KGD4: variants seen among roughly 807,000 people sequenced by gnomAD.
KGD4 encodes alpha-ketoglutarate dehydrogenase subunit 4.
chr5:69,217,823 G>T, the KGD4 span: 2 of 1,613,854 alleles, frequency 1.2e-6, no homozygotes, highest in African/African-American at 2.7e-5. Flanking sequence ...GCCCCTTCTC[G>T]GGGGTCATGA....
At chr5:69,218,420 G>A in the KGD4 span, among the ~76,000 whole-genome samples, 1 of 152,080 alleles carries the variant, frequency 6.6e-6, no homozygotes, top group African/African-American at 2.4e-5. Flanking sequence ...CCAGATGAGG[G>A]AAATAGAAAA....
chr5:69,228,191 T>A, the KGD4 span: 17 of 1,534,506 alleles, frequency 1.1e-5, no homozygotes, highest in African/African-American at 1.3e-4. Context: ...TTTTTTTTTT[T>A]AATTTCAGTA....
chr5:69,225,826 G>A, the KGD4 span, among the ~76,000 whole-genome samples: 116 of 152,206 alleles, frequency 7.6e-4, no homozygotes, highest in African/African-American at 2.5e-3. Flanking sequence ...TGATCCGTCC[G>A]CCTCGGCCTC....
At chr5:69,221,391 A>G in the KGD4 span, among the ~76,000 whole-genome samples, 2 of 152,236 alleles carry the variant, frequency 1.3e-5, no homozygotes, top group Non-Finnish European at 2.9e-5. Context: ...AAAGTAAAAC[A>G]TTTTCAGACT....
chr5:69,230,079 G>A, the KGD4 span: 1 of 151,672 alleles, frequency 6.6e-6, no homozygotes, highest in Non-Finnish European at 1.5e-5. Flanking sequence ...AACTTTAATG[G>A]GGCCCCTCCT....
chr5:69,228,772 T>C, the KGD4 span, among the ~76,000 whole-genome samples: 1 of 152,008 alleles, frequency 6.6e-6, no homozygotes, highest in Non-Finnish European at 1.5e-5. Flanking sequence ...CCCAGCACTT[T>C]GGGAGGCCAA....
chr5:69,219,689 T>TA, the KGD4 span, among the ~76,000 whole-genome samples: 5 of 150,084 alleles, frequency 3.3e-5, no homozygotes, highest in African/African-American at 4.9e-5. Context: ...ATTGCGCTCT[T>TA]AAAAAAAAAG....
the KGD4 span, chr5:69,230,146 T>A: frequency 6.6e-6 from 1 of 152,038 alleles, no homozygotes; most frequent in African/African-American, 2.4e-5. Context: ...TAAATTCTCT[T>A]CCATACCTTT....
chr5:69,226,081 TCTC>T, the KGD4 span, among the ~76,000 whole-genome samples: 1 of 152,152 alleles, frequency 6.6e-6, no homozygotes, highest in African/African-American at 2.4e-5. Context: ...CTCTACATCA[TCTC>T]CTCCATTGGG....
the KGD4 span, chr5:69,218,250 C>G: frequency 8.3e-6 from 2 of 239,894 alleles, no homozygotes; most frequent in East Asian, 1.8e-4. Context: ...CCCGATCAGC[C>G]AATCGGAAGG....
the KGD4 span, among the ~76,000 whole-genome samples, chr5:69,219,926 C>G: frequency 6.6e-6 from 1 of 152,116 alleles, no homozygotes; most frequent in Admixed American, 6.6e-5. Flanking sequence ...AAAGCTAGGA[C>G]TACAGTGCCA....
At chr5:69,218,601 T>A in the KGD4 span, among the ~76,000 whole-genome samples, 1 of 152,168 alleles carries the variant, frequency 6.6e-6, no homozygotes, top group African/African-American at 2.4e-5. Context: ...ATAGCCTTTT[T>A]ATTTGTTTCT....
chr5:69,222,825 C>T, the KGD4 span, among the ~76,000 whole-genome samples: 3 of 149,512 alleles, frequency 2.0e-5, no homozygotes, highest in Admixed American at 6.7e-5. Flanking sequence ...CTCTCTCTGT[C>T]ACTCAGGCTG....
At chr5:69,220,528 A>G in the KGD4 span, among the ~76,000 whole-genome samples, 1 of 151,654 alleles carries the variant, frequency 6.6e-6, no homozygotes, top group Non-Finnish European at 1.5e-5. Context: ...CTGGGAAGTG[A>G]GGAGCGCCTC....
At chr5:69,224,308 T>C in the KGD4 span, among the ~76,000 whole-genome samples, 2 of 151,780 alleles carry the variant, frequency 1.3e-5, no homozygotes, top group African/African-American at 4.8e-5. Flanking sequence ...GGAGAATTGC[T>C]TGAACCTGGG....
chr5:69,220,525 G>T, the KGD4 span, among the ~76,000 whole-genome samples: 1 of 151,800 alleles, frequency 6.6e-6, no homozygotes, highest in South Asian at 2.1e-4. Context: ...CGTCTGGGAA[G>T]TGAGGAGCGC....
the KGD4 span, among the ~76,000 whole-genome samples, chr5:69,221,178 C>CA: frequency 1.4e-5 from 2 of 144,846 alleles, no homozygotes; most frequent in African/African-American, 5.3e-5. Context: ...CAAGAATGAT[C>CA]AATAAATACT....
At chr5:69,217,798 C>T in the KGD4 span, 2 of 1,613,012 alleles carry the variant, frequency 1.2e-6, no homozygotes, top group South Asian at 2.2e-5. Flanking sequence ...GCGGCTCGCT[C>T]GCGCCCCGGA....
the KGD4 span, chr5:69,217,830 A>C: frequency 6.2e-7 from 1 of 1,613,774 alleles, no homozygotes; most frequent in South Asian, 1.1e-5. Flanking sequence ...CTCGGGGGTC[A>C]TGATGGGCAG....
Sources: allele counts gnomAD v4.1 joint callset (sites outside exome capture counted in the v4.1 genomes callset), GRCh38; gene constraint gnomAD v4.1.1; transcripts MANE v1.5; gene names NCBI Gene and HGNC (gene_info 2026-07-23, HGNC 2026-07-21).